The following MB21D2 variants were observed in gnomAD, a reference collection of about 807,000 sequenced individuals.
The protein encoded by MB21D2 is Mab-21 domain containing 2.
Under a neutral mutation model 33.3 loss-of-function variants are expected in MB21D2, and 9 were observed. The ratio of observed to expected loss-of-function variants is 0.27; its 90% CI spans 0.16 to 0.47. The LOEUF is 0.47. Among genes scored for constraint, MB21D2 ranks in the 20% least tolerant of loss-of-function variants. The pLI, the probability that MB21D2 is intolerant of heterozygous loss-of-function variation, is 0.99. For missense variants in MB21D2, 540 were observed against 624.6 expected, an observed-to-expected ratio of 0.86 and a Z score of 1.44; for synonymous variants, 241 against 236.3, an observed-to-expected ratio of 1.02 and a Z score of -0.18.
intron 1 of MB21D2, among the ~76,000 whole-genome samples, chr3:192,901,646 G>GT (rs1714105772): frequency 1.3e-5 from 2 of 152,114 alleles, no homozygotes; most frequent in Admixed American, 6.5e-5. Context: ...AGCTGGAAGG[G>GT]TTATTCATAT....
At chr3:192,865,606 G>A (rs889485993) in intron 1 of MB21D2, among the ~76,000 whole-genome samples, 2 of 152,192 alleles carry the variant, frequency 1.3e-5, no homozygotes, top group Non-Finnish European at 2.9e-5. Context: ...AAAGAGTTAA[G>A]GATAAAGTGA....
intron 1 of MB21D2, among the ~76,000 whole-genome samples, chr3:192,894,905 C>G (rs1029400755): frequency 6.6e-6 from 1 of 152,188 alleles, no homozygotes; most frequent in Non-Finnish European, 1.5e-5. Flanking sequence ...ATAAGAAAGA[C>G]AAACATTGAT....
At chr3:192,876,546 C>T (rs1713431218) in intron 1 of MB21D2, among the ~76,000 whole-genome samples, 1 of 152,206 alleles carries the variant, frequency 6.6e-6, no homozygotes, top group Non-Finnish European at 1.5e-5. Context: ...AGTGGTTGGT[C>T]TTCCAAAAGG....
chr3:192,884,655 T>G (rs35560290), intron 1 of MB21D2, among the ~76,000 whole-genome samples: 1 of 151,890 alleles, frequency 6.6e-6, no homozygotes, highest in Admixed American at 6.5e-5. Context: ...GCGTGAGCCA[T>G]CGCACCCGGC....
At chr3:192,808,874 A>T (rs1283385929) in intron 1 of MB21D2, among the ~76,000 whole-genome samples, 2 of 152,224 alleles carry the variant, frequency 1.3e-5, no homozygotes. Flanking sequence ...AGCCGACTTC[A>T]CCAGTTTTAC....
chr3:192,866,356 T>A (rs1388528349), intron 1 of MB21D2, among the ~76,000 whole-genome samples: 2 of 152,144 alleles, frequency 1.3e-5, no homozygotes, highest in East Asian at 3.9e-4. Flanking sequence ...TTGCTGGGAT[T>A]AAAAAAACAA....
chr3:192,827,629 A>T (rs1198151888), intron 1 of MB21D2, among the ~76,000 whole-genome samples: 1 of 152,142 alleles, frequency 6.6e-6, no homozygotes, highest in East Asian at 1.9e-4. Context: ...AAGTAGAGTC[A>T]GAAACTAAAA....
intron 1 of MB21D2, among the ~76,000 whole-genome samples, chr3:192,900,382 G>C (rs11716400): frequency 0.53 from 80,052 of 151,456 alleles, 21,332 homozygotes; most frequent in Admixed American, 0.54. Context: ...TTTACACAGG[G>C]ATGGAGAAAA....
chr3:192,862,509 C>G (rs937333733), intron 1 of MB21D2, among the ~76,000 whole-genome samples: 1 of 152,096 alleles, frequency 6.6e-6, no homozygotes, highest in African/African-American at 2.4e-5. Context: ...AGAGGCTGGG[C>G]GACCATTTAG....
chr3:192,900,897 C>T (rs911795796), intron 1 of MB21D2, among the ~76,000 whole-genome samples: 4 of 150,876 alleles, frequency 2.7e-5, no homozygotes, highest in Non-Finnish European at 4.4e-5. Context: ...GCTGAGATCG[C>T]GCCACTGCAC....
Position 192,810,335 on chromosome 3 carries a change from C to T in MB21D2, c.212-10685G>A, listed in dbSNP as rs545613521. 8.5e-5 allele frequency among the ~76,000 whole-genome samples: 13 copies of T among 152,280 alleles called. No individual in the cohort carries two copies. In the East Asian group the frequency reaches 1.5e-3, roughly 18 times the overall value. ...TATCCATGTAAAAGAGACCTTGAATCGGTGATCTACATTACACATTTGAAT... is the reference window on the plus strand; with the variant it reads ...TATCCATGTAAAAGAGACCTTGAATTGGTGATCTACATTACACATTTGAAT... On this transcript the variant is annotated intron_variant, in intron 1 of 1. Coordinates refer to ENST00000392452, the MANE Select transcript of MB21D2 (RefSeq NM_178496.4).
At chr3:192,808,387 A>C (rs1481290679) in intron 1 of MB21D2, among the ~76,000 whole-genome samples, 1 of 152,254 alleles carries the variant, frequency 6.6e-6, no homozygotes, top group Non-Finnish European at 1.5e-5. Flanking sequence ...TTAGCCTGAA[A>C]AATGGAAAAT....
In MB21D2 at chr3:192,903,409, T is replaced by C. The variant is rs150523540; in HGVS notation, c.211+14221A>G. On this transcript the variant is annotated intron_variant, in intron 1 of 1. Coordinates refer to ENST00000392452, the MANE Select transcript of MB21D2 (RefSeq NM_178496.4). ...GAGTTTCCTGGCAGCATTAAAATTA[T>C]AAGAATCTGTCCATGATTTGTACTT... is the stretch of plus-strand genomic sequence containing the variant. Among the ~76,000 whole-genome samples the C allele has an allele frequency of 2.0e-3, 305 of 152,342 alleles. 4 individuals carry two copies. The highest frequency in any genetic ancestry group is 0.017 in the Middle Eastern group (5 of 294).
At chr3:192,882,419 T>C (rs1713619238) in intron 1 of MB21D2, among the ~76,000 whole-genome samples, 1 of 152,028 alleles carries the variant, frequency 6.6e-6, no homozygotes, top group Admixed American at 6.5e-5. Flanking sequence ...ATATGCTCCT[T>C]TGCTAAAGGC....
chr3:192,854,069 A>C (rs374071969), intron 1 of MB21D2, among the ~76,000 whole-genome samples: 5 of 152,332 alleles, frequency 3.3e-5, no homozygotes, highest in African/African-American at 1.2e-4. Context: ...AGTGGCCTCT[A>C]AGTGTTCAAG....
intron 1 of MB21D2, among the ~76,000 whole-genome samples, chr3:192,818,540 T>C (rs1041242370): frequency 6.6e-6 from 1 of 152,260 alleles, no homozygotes; most frequent in South Asian, 2.1e-4. Flanking sequence ...CTTTTCTTTT[T>C]GTATTGTTGC....
At chr3:192,878,103 G>GTTTTTTT (rs1296544101) in intron 1 of MB21D2, among the ~76,000 whole-genome samples, 47 of 134,216 alleles carry the variant, frequency 3.5e-4, no homozygotes, top group East Asian at 9.4e-4. Flanking sequence ...TTTTTTTTTG[G>GTTTTTTT]TTTTTTTTGT....
At chr3:192,831,724 G>A (rs1262041997) in intron 1 of MB21D2, among the ~76,000 whole-genome samples, 1 of 152,162 alleles carries the variant, frequency 6.6e-6, no homozygotes, top group Non-Finnish European at 1.5e-5. Flanking sequence ...GTACAATTGT[G>A]AGAAAGGGGA....
At chr3:192,870,565 C>T (rs1560245101) in intron 1 of MB21D2, among the ~76,000 whole-genome samples, 1 of 151,858 alleles carries the variant, frequency 6.6e-6, no homozygotes, top group East Asian at 1.9e-4. Flanking sequence ...TGGCGCACGC[C>T]TGTAATCTCA....
Sources: gnomAD v4.1 joint callset for allele counts (sites outside exome capture counted in the v4.1 genomes callset) on GRCh38, gnomAD v4.1.1 for gene constraint, MANE v1.5 for transcripts, NCBI Gene and HGNC (gene_info 2026-07-23, HGNC 2026-07-21) for gene names.